ALMS1: variants seen among roughly 807,000 people sequenced by gnomAD.
ALMS1 encodes centrosome-associated protein ALMS1.
Under a neutral mutation model 352.2 loss-of-function variants are expected in ALMS1, and 271 were observed. The ratio of observed to expected loss-of-function variants is 0.77; its 90% CI spans 0.70 to 0.85. The LOEUF is 0.85. Among genes scored for constraint, ALMS1 ranks in the 40% least tolerant of loss-of-function variants. The pLI is 0.00. For missense variants in ALMS1, 5,445 were observed against 4,870.7 expected (o/e 1.12, Z -3.51); for synonymous variants, 1,865 against 1,761.2 (o/e 1.06, Z -1.48).
At chr2:73,411,140 G>T (rs1671068752) in intron 2 of ALMS1, among the ~76,000 whole-genome samples, 1 of 151,982 alleles carries the variant, frequency 6.6e-6, no homozygotes, top group South Asian at 2.1e-4. Context: ...CTGGAGTAGG[G>T]TTTGCTCTTA....
At chr2:73,573,652 T>C in intron 16 of ALMS1, 2 of 648,112 alleles carry the variant, frequency 3.1e-6, no homozygotes, top group Non-Finnish European at 2.8e-6. Context: ...GCTTTGCTGC[T>C]AGATCCTTCA....
Position 73,490,361 on chromosome 2 carries a change from A to C in ALMS1, c.8402A>C (p.Asp2801Ala). The change falls in exon 10 of 23, where the codon GAT (aspartate) becomes GCT (alanine). Residue 2801 changes from aspartate (D) to alanine (A), a missense_variant. Physicochemically the swap from Asp to Ala is moderately radical, Grantham distance 126. Transcript: ENST00000613296. ...GRRQSQKLPV[D>A]FERSFQEEKP... ...AGGCAAAGCCAAAAATTACCTGTTG[A>C]TTTTGAGCGTTCTTTTCAAGAAGAA... 6.2e-7 allele frequency: 1 copy of C among 1,613,110 alleles called. No homozygotes were observed. Among genetic ancestry groups the C allele is most frequent in the Non-Finnish European group, 8.5e-7 (1 of 1,179,566 alleles).
chr2:73,480,477 C>CTTGGACAT (rs1164205922), intron 9 of ALMS1, among the ~76,000 whole-genome samples: 2 of 152,140 alleles, frequency 1.3e-5, no homozygotes, highest in African/African-American at 4.8e-5. Context: ...GTCTATAATT[C>CTTGGACAT]TTGGACATTT....
chr2:73,440,879 A>G (rs1394086490), intron 7 of ALMS1, among the ~76,000 whole-genome samples: 3 of 152,230 alleles, frequency 2.0e-5, no homozygotes, highest in East Asian at 1.9e-4. Context: ...TAGGTTTTCC[A>G]TATAGGCTCT....
rs11395640 is a variant in ALMS1 at position 73,439,116 on chromosome 2, C to CTT, written c.1432+6839_1432+6840dup. On this transcript the variant is annotated intron_variant, in intron 7 of 22. Coordinates refer to ENST00000613296, the MANE Select transcript of ALMS1 (RefSeq NM_001378454.1). ...TCTTTCTTTTTCTCCTCCTCCTCCT[C>CTT]TTTTTTTTTTTTTTTAAATAAAGAT... Among the ~76,000 whole-genome samples the CTT allele has an allele frequency of 9.4e-4, 124 of 132,122 alleles. 1 individual carries two copies. Among genetic ancestry groups the CTT allele is most frequent in the Middle Eastern group, 3.9e-3 (1 of 254 alleles). The allele number at this position is 132,122 out of a possible 152,430, so 86.7% of individuals were successfully genotyped here. A position where few individuals can be genotyped will look rare whatever the true frequency, so the allele number is the denominator to read the frequency against.
chr2:73,550,554 C>T, intron 13 of ALMS1, 117 bp downstream of exon 13: 1 of 1,349,844 alleles, frequency 7.4e-7, no homozygotes, highest in South Asian at 1.3e-5. Flanking sequence ...TTTCTCCTTG[C>T]TGTTATATTG....
intron 15 of ALMS1, among the ~76,000 whole-genome samples, chr2:73,565,846 T>C (rs1189853687): frequency 6.6e-6 from 1 of 152,126 alleles, no homozygotes; most frequent in Non-Finnish European, 1.5e-5. Context: ...CTCAAAACTG[T>C]CAGAGTCATG....
chr2:73,423,534 A>G (rs530765611), intron 4 of ALMS1, among the ~76,000 whole-genome samples: 32 of 152,336 alleles, frequency 2.1e-4, no homozygotes, highest in African/African-American at 7.5e-4. Context: ...TTTTCAAAAC[A>G]TATTTGGAAT....
At chr2:73,579,944 C>T (rs960790332) in intron 16 of ALMS1, among the ~76,000 whole-genome samples, 2 of 152,146 alleles carry the variant, frequency 1.3e-5, no homozygotes, top group African/African-American at 4.8e-5. Flanking sequence ...GAGTTTCCAA[C>T]CATTATTTCT....
chr2:73,594,786 G>C (rs949014790), intron 16 of ALMS1, among the ~76,000 whole-genome samples: 1 of 152,188 alleles, frequency 6.6e-6, no homozygotes, highest in Non-Finnish European at 1.5e-5. Flanking sequence ...CTCCTTTCCT[G>C]ATGTGTTTTT....
intron 1 of ALMS1, among the ~76,000 whole-genome samples, chr2:73,392,507 T>TA (rs1265578850): frequency 6.6e-6 from 1 of 152,200 alleles, no homozygotes; most frequent in Admixed American, 6.5e-5. Context: ...CTTTAGCTGA[T>TA]ATCCCCCGTC....
In ALMS1 at chr2:73,523,759, T is replaced by TCCTTCCC. The variant is rs1432438023; in HGVS notation, c.9781+3752_9781+3758dup. On this transcript the variant is annotated intron_variant, in intron 11 of 22. Transcript: ENST00000613296. ...TCCAGCCTGGGCGACAGAGTGAGAC[T>TCCTTCCC]CCTTCCCCCTTCCCCACCAAAAAAA... 9.2e-5 allele frequency among the ~76,000 whole-genome samples: 14 copies of TCCTTCCC among 151,438 alleles called. No individual in the cohort carries two copies. The East Asian group carries it at 2.5e-3, about 27-fold the overall frequency.
intron 13 of ALMS1, among the ~76,000 whole-genome samples, chr2:73,555,596 T>G (rs954410509): frequency 6.6e-6 from 1 of 152,156 alleles, no homozygotes; most frequent in African/African-American, 2.4e-5. Context: ...AGGGAAAATA[T>G]AATAAATATG....
intron 10 of ALMS1, among the ~76,000 whole-genome samples, chr2:73,497,571 T>C (rs1673135410): frequency 6.6e-6 from 1 of 152,150 alleles, no homozygotes; most frequent in Non-Finnish European, 1.5e-5. Flanking sequence ...CTGTACTCTA[T>C]GAAGTGTATA....
At chr2:73,538,443 A>G (rs1231770592) in intron 12 of ALMS1, among the ~76,000 whole-genome samples, 1 of 152,210 alleles carries the variant, frequency 6.6e-6, no homozygotes, top group Non-Finnish European at 1.5e-5. Flanking sequence ...TCCAGTCTGC[A>G]GCTCCCAGTG....
At chr2:73,591,170 GTATTTCT>G (rs1675425380) in intron 16 of ALMS1, among the ~76,000 whole-genome samples, 1 of 151,978 alleles carries the variant, frequency 6.6e-6, no homozygotes. Flanking sequence ...ATATTGTTAT[GTATTTCT>G]TTATTTCTGT....
chr2:73,439,017 C>T (rs1671661627), intron 7 of ALMS1, among the ~76,000 whole-genome samples: 1 of 151,292 alleles, frequency 6.6e-6, no homozygotes, highest in Non-Finnish European at 1.5e-5. Flanking sequence ...TCTCCTCCTC[C>T]TCCTTTTTTT....
chr2:73,589,024 C>T (rs548401813), intron 16 of ALMS1, among the ~76,000 whole-genome samples: 15 of 151,710 alleles, frequency 9.9e-5, no homozygotes, highest in Admixed American at 2.0e-4. Flanking sequence ...TATATATATA[C>T]GTATACATAT....
chr2:73,421,186 AC>A (rs1343127228), intron 3 of ALMS1, among the ~76,000 whole-genome samples: 1 of 152,152 alleles, frequency 6.6e-6, no homozygotes, highest in African/African-American at 2.4e-5. Context: ...GCTGCTTGTA[AC>A]TTACTTGTTA....
Sources: allele counts gnomAD v4.1 joint callset (sites outside exome capture counted in the v4.1 genomes callset), GRCh38; gene constraint gnomAD v4.1.1; transcripts MANE v1.5; gene names NCBI Gene and HGNC (gene_info 2026-07-23, HGNC 2026-07-21).